CCN4: variants seen among roughly 807,000 people sequenced by gnomAD.
The protein encoded by CCN4 is cellular communication network factor 4.
In CCN4, 30 loss-of-function variants were observed where a neutral mutation model predicts 36.7. That is an observed-to-expected ratio of 0.82 (90% confidence interval 0.61 to 1.11). CCN4 has a LOEUF of 1.11. Among genes scored for constraint, CCN4 ranks in the 50% least tolerant of loss-of-function variants. The pLI, the probability that CCN4 is intolerant of heterozygous loss-of-function variation, is 0.00. For synonymous variants in CCN4, 191 were observed against 195.4 expected, an observed-to-expected ratio of 0.98 and a Z score of 0.19; for missense variants, 505 against 504.9, an observed-to-expected ratio of 1.00 and a Z score of 0.00.
At chr8:133,194,020 C>T (rs1853212691) in intron 1 of CCN4, among the ~76,000 whole-genome samples, 1 of 152,200 alleles carries the variant, frequency 6.6e-6, no homozygotes, top group South Asian at 2.1e-4. Context: ...ACTGTCTCAC[C>T]ACACCAAGCT....
chr8:133,224,565 T>A (rs1428353251), intron 3 of CCN4, among the ~76,000 whole-genome samples: 7 of 152,162 alleles, frequency 4.6e-5, no homozygotes, highest in Admixed American at 2.6e-4. Context: ...TGTTAGGTGC[T>A]GGCATGTAGC....
rs749126034 is a variant in CCN4, at chr8:133,220,757, C to T, written c.526C>T (p.Pro176Ser). 11 of 1,613,328 alleles carry T rather than the reference C, an allele frequency of 6.8e-6. No individual in the cohort carries two copies. Among genetic ancestry groups the T allele is most frequent in the South Asian group, 4.4e-5 (4 of 91,058 alleles). ...CCCCCACCCGCGGCGCGTGAGCATACCTGGCCACTGCTGTGAGCAGTGGGT... is the reference window on the plus strand; with the variant it reads ...CCCCCACCCGCGGCGCGTGAGCATATCTGGCCACTGCTGTGAGCAGTGGGT... ...WCPHPRRVSI[P>S]GHCCEQWVCE... Residue 176 changes from proline to serine, a missense_variant, in exon 3 of 5, where the codon CCT (proline) becomes TCT (serine). Physicochemically the swap from Pro to Ser is moderately conservative, Grantham distance 74. Coordinates refer to ENST00000250160, the MANE Select transcript of CCN4 (RefSeq NM_003882.4).
intron 1 of CCN4, among the ~76,000 whole-genome samples, chr8:133,199,163 T>C (rs1480037815): frequency 6.6e-6 from 1 of 152,192 alleles, no homozygotes; most frequent in Non-Finnish European, 1.5e-5. Context: ...AAGCGGCAGC[T>C]TACGGGCTTG....
At chr8:133,211,951 A>C (rs1476400382) in intron 1 of CCN4, among the ~76,000 whole-genome samples, 1 of 152,222 alleles carries the variant, frequency 6.6e-6, no homozygotes, top group Non-Finnish European at 1.5e-5. Context: ...AGATACAGGC[A>C]GCTTGAAGCT....
Position 133,199,364 on chromosome 8 carries a change from C to T in CCN4, c.69+8151C>T, listed in dbSNP as rs144854707. 4.8e-3 allele frequency among the ~76,000 whole-genome samples: 729 copies of T among 152,278 alleles called. 5 individuals carry two copies. Among genetic ancestry groups the T allele is most frequent in the Non-Finnish European group, 7.6e-3 (518 of 68,020 alleles). ...GGCAGCACACAGCCTGGGTCAAGAG[C>T]CAGCTCCACCACATCCCAGCCCCAA... On this transcript the variant is annotated intron_variant, in intron 1 of 4. Transcript: ENST00000250160.
intron 1 of CCN4, among the ~76,000 whole-genome samples, chr8:133,196,272 T>G (rs1162067129): frequency 6.6e-6 from 1 of 152,178 alleles, no homozygotes; most frequent in Non-Finnish European, 1.5e-5. Context: ...ACTCAGCACT[T>G]GAAATGAGGC....
At chr8:133,209,158 G>A (rs1853892884) in intron 1 of CCN4, among the ~76,000 whole-genome samples, 1 of 152,178 alleles carries the variant, frequency 6.6e-6, no homozygotes, top group African/African-American at 2.4e-5. Flanking sequence ...GGCGGAAACC[G>A]CCCTTGCGCC....
In CCN4 at chr8:133,225,465, G is replaced by C; in HGVS notation, c.686G>C (p.Ser229Thr). 6.2e-7 allele frequency: 1 copy of C among 1,614,092 alleles called. No individual in the cohort carries two copies. The highest frequency in any genetic ancestry group is 8.5e-7 in the Non-Finnish European group (1 of 1,179,978). The change falls in exon 4 of 5, where the codon AGC becomes ACC. Residue 229 changes from serine to threonine, a missense_variant. Ser to Thr is a moderately conservative substitution (Grantham distance 58). Transcript: ENST00000250160. The part of the protein sequence containing the change: ...YTSPWSPCST[S>T]CGLGVSTRIS... The stretch of plus-strand genomic sequence containing the variant: ...AGCCCCTGGAGCCCTTGCTCCACCA[G>C]CTGCGGCCTGGGGGTCTCCACTCGG...
chr8:133,203,484 A>G (rs1853662513), intron 1 of CCN4, among the ~76,000 whole-genome samples: 1 of 152,196 alleles, frequency 6.6e-6, no homozygotes, highest in South Asian at 2.1e-4. Context: ...CGAGATCTTG[A>G]GCAAGATTCT....
intron 2 of CCN4, 124 bp downstream of exon 2, chr8:133,213,267 A>T (rs1181253559): frequency 8.2e-7 from 1 of 1,223,870 alleles, no homozygotes. Flanking sequence ...CAGGAGATAC[A>T]CCCCATGATC....
intron 1 of CCN4, among the ~76,000 whole-genome samples, chr8:133,211,064 C>T (rs989312633): frequency 2.7e-4 from 41 of 152,168 alleles, no homozygotes; most frequent in Admixed American, 6.5e-4. Context: ...ATTTATTGTG[C>T]GCCAGGTTCA....
In CCN4 at chr8:133,195,006, T is replaced by G. The variant is rs184601835; in HGVS notation, c.69+3793T>G. ...AGTGTGTATGTGGTTTGTGTGTGTG[T>G]TGTGTGTGTGGTGTGTGGTATGCGT... On this transcript the variant is annotated intron_variant, in intron 1 of 4. Transcript: ENST00000250160. 9.8e-4 allele frequency among the ~76,000 whole-genome samples: 131 copies of G among 133,448 alleles called. 2 individuals are homozygous for G. In the East Asian group the frequency reaches 0.024, roughly 25 times the overall value. 87.5% of individuals were successfully genotyped at this position (133,448 alleles called of 152,430 possible).
intron 1 of CCN4, among the ~76,000 whole-genome samples, chr8:133,194,306 GGT>G (rs1244020638): frequency 5.6e-4 from 66 of 118,904 alleles, no homozygotes; most frequent in Admixed American, 9.6e-4. Context: ...GTGTGTGTGT[GGT>G]GTGTGTGTGT....
At chr8:133,213,225 A>G (rs1354498661) in intron 2 of CCN4, 82 bp downstream of exon 2, 1 of 1,486,502 alleles carries the variant, frequency 6.7e-7, no homozygotes, top group Non-Finnish European at 9.2e-7. Context: ...TGGCACCCCC[A>G]CAGCCTTTCA....
chr8:133,214,522 T>TGTTGTTGTTA (rs963050928), intron 2 of CCN4, among the ~76,000 whole-genome samples: 1 of 152,074 alleles, frequency 6.6e-6, no homozygotes, highest in African/African-American at 2.4e-5. Context: ...TTGTTGTTGT[T>TGTTGTTGTTA]GTTGTTGTTA....
At chr8:133,223,763 T>C (rs1564266924) in intron 3 of CCN4, among the ~76,000 whole-genome samples, 1 of 152,108 alleles carries the variant, frequency 6.6e-6, no homozygotes, top group East Asian at 1.9e-4. Flanking sequence ...CATGCACATG[T>C]GTGTTTGGAT....
intron 1 of CCN4, among the ~76,000 whole-genome samples, chr8:133,193,859 C>T (rs938168009): frequency 2.6e-5 from 4 of 152,144 alleles, no homozygotes; most frequent in South Asian, 2.1e-4. Context: ...AGTCCCTGCC[C>T]GACAGAGTTT....
chr8:133,201,015 G>T (rs4415289), intron 1 of CCN4, among the ~76,000 whole-genome samples: 1 of 152,194 alleles, frequency 6.6e-6, no homozygotes, highest in South Asian at 2.1e-4. Context: ...GCACTCTGTG[G>T]TCCTATTCCC....
intron 1 of CCN4, among the ~76,000 whole-genome samples, chr8:133,194,644 TGCGTGTGTGCGTGTGTG>T (rs1853276972): frequency 1.1e-5 from 1 of 90,508 alleles, no homozygotes; most frequent in Non-Finnish European, 2.2e-5. Context: ...GTGGGGTGTG[TGCGTGTGTGCGTGTGTG>T]GTGGGGGATG....
Sources: allele counts gnomAD v4.1 joint callset (sites outside exome capture counted in the v4.1 genomes callset), GRCh38; gene constraint gnomAD v4.1.1; transcripts MANE v1.5; gene names NCBI Gene and HGNC (gene_info 2026-07-23, HGNC 2026-07-21).